Variants in NAA35 observed in about 807,000 individuals in gnomAD.
NAA35 encodes the protein MAK10 homolog, amino-acid N-acetyltransferase subunit.
NAA35 carries 18 observed loss-of-function variants against 101.7 expected under a neutral mutation model. The ratio of observed to expected loss-of-function variants is 0.18; its 90% CI spans 0.12 to 0.26. The LOEUF is 0.26. NAA35 is among the 10% of genes least tolerant of loss of function. The probability of loss-of-function intolerance (pLI) is 1.00; values close to 1 mark genes in which losing one functional copy is unlikely to be tolerated. For missense variants in NAA35, 601 were observed against 886.8 expected, an observed-to-expected ratio of 0.68 and a Z score of 4.09; for synonymous variants, 267 against 273.1, an observed-to-expected ratio of 0.98 and a Z score of 0.22.
In NAA35 at chr9:86,023,479, A is replaced by G. The variant is rs942524759; in HGVS notation, c.*1519A>G. ...ACAGAATGAGCATGGACATTTGGCA[A>G]ACAACCAAGAAGAGAGCCTGAAGCA... On this transcript the variant is annotated 3_prime_UTR_variant, in exon 23 of 23. Transcript: ENST00000361671. 2.0e-5 allele frequency among the ~76,000 whole-genome samples: 3 copies of G among 152,258 alleles called. No homozygotes were observed. Among genetic ancestry groups the G allele is most frequent in the Non-Finnish European group, 4.4e-5 (3 of 68,044 alleles).
intron 14 of NAA35, among the ~76,000 whole-genome samples, chr9:86,008,946 T>C (rs1831771072): frequency 6.6e-6 from 1 of 152,222 alleles, no homozygotes; most frequent in Non-Finnish European, 1.5e-5. Flanking sequence ...TACTTATTTA[T>C]TGCTTCACCT....
Position 86,006,600 on chromosome 9 carries a change from A to G in NAA35, c.1117-758A>G, listed in dbSNP as rs551268368. Among the ~76,000 whole-genome samples, 5 of 152,322 alleles carry G rather than the reference A, an allele frequency of 3.3e-5. No individual in the cohort carries two copies. The South Asian group carries it at 6.2e-4, about 19-fold the overall frequency. ...ACATTCTGGAAATGGCAAAACTGAT[A>G]GAGCTGGAGAGCAGATCAGTGCTTG... On this transcript the variant is annotated intron_variant, in intron 13 of 22. Transcript: ENST00000361671.
chr9:85,944,280 G>A (rs1390597220), intron 2 of NAA35, among the ~76,000 whole-genome samples: 4 of 152,170 alleles, frequency 2.6e-5, no homozygotes, highest in African/African-American at 9.7e-5. Context: ...ATGAGATAGT[G>A]GATGTAAAGT....
rs185417947 is a variant in NAA35, at chr9:85,965,518, C to T, written c.516+3338C>T. Among the ~76,000 whole-genome samples, 334 of 152,114 alleles carry T rather than the reference C, an allele frequency of 2.2e-3. 1 individual carries two copies. Among genetic ancestry groups the T allele is most frequent in the African/African-American group, 7.6e-3 (317 of 41,478 alleles). The stretch of plus-strand genomic sequence containing the variant: ...TGCTGTGTGCCTGTAGTCTCAGCTA[C>T]TAGAGAGGCTGAGGTTGGAGGATCA... On this transcript the variant is annotated intron_variant, in intron 6 of 22. Coordinates refer to ENST00000361671, the MANE Select transcript of NAA35 (RefSeq NM_024635.4).
At chr9:85,979,436 C>T (rs1381553573) in intron 11 of NAA35, among the ~76,000 whole-genome samples, 1 of 152,180 alleles carries the variant, frequency 6.6e-6, no homozygotes, top group South Asian at 2.1e-4. Context: ...TGACCTAATG[C>T]TTGCTTGGAC....
intron 11 of NAA35, among the ~76,000 whole-genome samples, chr9:85,988,486 G>A (rs1830746480): frequency 6.6e-6 from 1 of 152,148 alleles, no homozygotes. Flanking sequence ...AAGCATTCTA[G>A]ACATTGCTGA....
chr9:86,022,091 A>G lies in NAA35; in HGVS notation c.*131A>G. 1.5e-6 allele frequency: 1 copy of G among 667,420 alleles called. No homozygotes were observed. The highest frequency in any genetic ancestry group is 2.5e-6 in the Non-Finnish European group (1 of 396,382). 41.3% of individuals were successfully genotyped at this position (667,420 alleles called of 1,614,324 possible). A position where few individuals can be genotyped will look rare whatever the true frequency, so the allele number is the denominator to read the frequency against. On this transcript the variant is annotated 3_prime_UTR_variant, in exon 23 of 23. Transcript: ENST00000361671. The stretch of plus-strand genomic sequence containing the variant: ...TGGGTAACAACTCATTATAAGGAAT[A>G]CTTTTAGTTTGACAGCCTTATATGA...
chr9:86,005,378 A>C (rs114386511), intron 13 of NAA35, among the ~76,000 whole-genome samples: 142 of 152,334 alleles, frequency 9.3e-4, no homozygotes, highest in African/African-American at 3.3e-3. Context: ...CTTACAGCTA[A>C]CATCATACTT....
In NAA35 at chr9:85,958,530, G is replaced by T. The variant is rs756160916; in HGVS notation, c.217G>T (p.Gly73Cys). 1 of 1,611,124 alleles carries T rather than the reference G, an allele frequency of 6.2e-7. No individual in the cohort carries two copies. The highest frequency in any genetic ancestry group is 8.5e-7 in the Non-Finnish European group (1 of 1,178,314). Residue 73 changes from glycine to cysteine, a missense_variant, in exon 4 of 23, where the codon GGC becomes TGC. Around this residue, in one of 8 missense-constraint regions of NAA35, gnomAD observed 42 missense variants for 41.2 expected, o/e 1.02. Coordinates refer to ENST00000361671, the MANE Select transcript of NAA35 (RefSeq NM_024635.4). ...IEMMDPKMDA[G>C]MIGNQVNRKV... is the part of the protein sequence containing the mutation. ...AATGATGGATCCCAAGATGGATGCTGGCATGATTGGAAACCAAGTTAATCG... is the reference window on the plus strand; with the variant it reads ...AATGATGGATCCCAAGATGGATGCTTGCATGATTGGAAACCAAGTTAATCG...
At chr9:85,989,526 C>T (rs1385561717) in intron 11 of NAA35, among the ~76,000 whole-genome samples, 3 of 151,920 alleles carry the variant, frequency 2.0e-5, no homozygotes, top group Admixed American at 1.3e-4. Flanking sequence ...AAACTGTGAC[C>T]TAAGAGTTTT....
chr9:86,016,796 CTA>C lies in NAA35; in HGVS notation c.1705+124_1705+125del. The C allele has an allele frequency of 1.3e-5, 13 of 989,084 alleles. 1 individual carries two copies. The South Asian group carries it at 2.0e-4, about 15-fold the overall frequency. 61.3% of individuals were successfully genotyped at this position (989,084 alleles called of 1,614,324 possible). Reference sequence around the variant, plus strand: ...TAGTTCTTGTTCCTCTTTTCAGAAACTATAAGGTAGAGACTGAGTCCCAGTAT... The same window carrying C: ...TAGTTCTTGTTCCTCTTTTCAGAAACTAAGGTAGAGACTGAGTCCCAGTAT... On this transcript the variant is annotated intron_variant, in intron 18 of 22. Transcript: ENST00000361671.
At chr9:85,971,298 C>T (rs1231534236) in intron 6 of NAA35, among the ~76,000 whole-genome samples, 1 of 152,168 alleles carries the variant, frequency 6.6e-6, no homozygotes. Flanking sequence ...TGTTCTCACC[C>T]CTCCCTCTCC....
rs759898092 is a variant in NAA35 at position 86,020,895 on chromosome 9, A to C, written c.2044A>C (p.Arg682=). ...TTTTATGTTCATGTTTCAGGTTAAT[A>C]GAATTTTAAAGGTTGCCAAACCCAA... ...NIPNPDHEVN[R]ILKVAKPNFV... Residue 682 remains arginine, a synonymous_variant, in exon 22 of 23, where the codon AGA becomes CGA. Transcript: ENST00000361671. 1 of 1,611,190 alleles carries C rather than the reference A, an allele frequency of 6.2e-7. No homozygotes were observed.
intron 2 of NAA35, among the ~76,000 whole-genome samples, chr9:85,946,138 A>AC (rs1554768054): frequency 2.0e-5 from 3 of 149,902 alleles, no homozygotes; most frequent in African/African-American, 7.4e-5. Context: ...AGTAAGTTAA[A>AC]TTTTTTTTTT....
intron 15 of NAA35, among the ~76,000 whole-genome samples, chr9:86,010,769 G>A (rs1159953810): frequency 2.0e-5 from 3 of 150,032 alleles, no homozygotes; most frequent in East Asian, 2.0e-4. Flanking sequence ...TAGTAGAGAC[G>A]GGGTTTCACG....
intron 20 of NAA35, 87 bp downstream of exon 20, chr9:86,018,482 A>G: frequency 4.9e-6 from 7 of 1,424,282 alleles, no homozygotes; most frequent in Non-Finnish European, 6.6e-6. Context: ...ATCTTGTTAC[A>G]TTAACAGTTA....
chr9:85,979,857 G>C (rs1199938719), intron 11 of NAA35, among the ~76,000 whole-genome samples: 1 of 152,116 alleles, frequency 6.6e-6, no homozygotes, highest in Non-Finnish European at 1.5e-5. Context: ...GTGGTAGTGT[G>C]GAAAACACAA....
At chr9:86,021,455 A>G (rs1224318839) in intron 22 of NAA35, among the ~76,000 whole-genome samples, 3 of 152,122 alleles carry the variant, frequency 2.0e-5, no homozygotes, top group African/African-American at 7.2e-5. Flanking sequence ...CCGTGGGGGC[A>G]TTTGCCTGTG....
intron 6 of NAA35, among the ~76,000 whole-genome samples, chr9:85,968,883 C>T (rs1227630518): frequency 6.6e-6 from 1 of 152,116 alleles, no homozygotes; most frequent in East Asian, 1.9e-4. Context: ...GCTTATATTT[C>T]CCTTCTCATA....
Sources: allele counts gnomAD v4.1 joint callset (sites outside exome capture counted in the v4.1 genomes callset), GRCh38; gene constraint gnomAD v4.1.1; regional missense constraint gnomAD v4.1.1; transcripts MANE v1.5; gene names NCBI Gene and HGNC (gene_info 2026-07-23, HGNC 2026-07-21).